The following OSBP2 variants were observed in gnomAD, a reference collection of about 807,000 sequenced individuals.
The protein encoded by OSBP2 is oxysterol binding protein 2, also known as oxysterol-binding protein 2.
OSBP2 carries 66 observed loss-of-function variants against 96.0 expected under a neutral mutation model. The ratio of observed to expected loss-of-function variants is 0.69; its 90% CI spans 0.56 to 0.84. The LOEUF is 0.84. OSBP2 is among the 40% of genes least tolerant of loss of function. OSBP2 has a pLI of 0.00. For missense variants in OSBP2, 1,038 were observed against 1,222.7 expected, an observed-to-expected ratio of 0.85 and a Z score of 2.25; for synonymous variants, 525 against 520.9, an observed-to-expected ratio of 1.01 and a Z score of -0.11.
intron 3 of OSBP2, among the ~76,000 whole-genome samples, chr22:30,878,299 C>T (rs771689364): frequency 2.0e-5 from 3 of 152,248 alleles, no homozygotes; most frequent in Non-Finnish European, 4.4e-5. Context: ...GCGCTATCCG[C>T]GAGGCAGGGG....
chr22:30,790,870 T>C (rs989650268), intron 2 of OSBP2, among the ~76,000 whole-genome samples: 1 of 152,190 alleles, frequency 6.6e-6, no homozygotes, highest in Non-Finnish European at 1.5e-5. Context: ...GAAGGGGAAA[T>C]AGGATTCATT....
chr22:30,886,477 TCTTA>T (rs886124662), intron 3 of OSBP2, among the ~76,000 whole-genome samples: 3 of 150,728 alleles, frequency 2.0e-5, no homozygotes, highest in Non-Finnish European at 3.0e-5. Context: ...GTGCTAAGAC[TCTTA>T]CTTCATCTCT....
chr22:30,830,082 G>A (rs2038490201), intron 2 of OSBP2, among the ~76,000 whole-genome samples: 2 of 152,196 alleles, frequency 1.3e-5, no homozygotes, highest in African/African-American at 4.8e-5. Context: ...TCATCAGGGA[G>A]TGTCCTGTAG....
intron 12 of OSBP2, among the ~76,000 whole-genome samples, chr22:30,899,995 A>G (rs1392024055): frequency 1.3e-5 from 2 of 152,244 alleles, no homozygotes; most frequent in African/African-American, 4.8e-5. Flanking sequence ...GCAGTGGCTC[A>G]TGCCTGTAAT....
intron 2 of OSBP2, among the ~76,000 whole-genome samples, chr22:30,811,173 C>G (rs534952306): frequency 6.7e-6 from 1 of 148,544 alleles, no homozygotes; most frequent in Non-Finnish European, 1.5e-5. Context: ...AACCCCCCCC[C>G]CACACATACA....
chr22:30,753,064 T>G (rs1025808518), intron 2 of OSBP2, among the ~76,000 whole-genome samples: 10 of 152,216 alleles, frequency 6.6e-5, no homozygotes, highest in Non-Finnish European at 8.8e-5. Flanking sequence ...GGAGCCCATT[T>G]ACATGGTTGT....
chr22:30,702,215 C>T (rs1206941407), intron 1 of OSBP2, among the ~76,000 whole-genome samples: 1 of 152,198 alleles, frequency 6.6e-6, no homozygotes, highest in Non-Finnish European at 1.5e-5. Context: ...TTCTGCTTAC[C>T]TGGTGTCCCA....
intron 2 of OSBP2, among the ~76,000 whole-genome samples, chr22:30,817,208 A>G (rs1033305090): frequency 3.3e-5 from 5 of 152,238 alleles, no homozygotes; most frequent in African/African-American, 4.8e-5. Context: ...AAGAATGGCT[A>G]TTCTTAGAAC....
chr22:30,866,597 C>T (rs1044649251), intron 2 of OSBP2, among the ~76,000 whole-genome samples: 1 of 152,162 alleles, frequency 6.6e-6, no homozygotes, highest in Non-Finnish European at 1.5e-5. Flanking sequence ...ATTAGCCAGG[C>T]ATGGTGGCGC....
chr22:30,796,198 G>A (rs1295261990), intron 2 of OSBP2, among the ~76,000 whole-genome samples: 3 of 152,108 alleles, frequency 2.0e-5, no homozygotes, highest in Non-Finnish European at 4.4e-5. Context: ...CAAGGCCCTG[G>A]CTTTATGTGG....
Position 30,797,564 on chromosome 22 carries a change from G to T in OSBP2, c.853+56195G>T, listed in dbSNP as rs144606832. 7.5e-3 allele frequency among the ~76,000 whole-genome samples: 1,123 copies of T among 149,678 alleles called. 9 individuals carry two copies. The highest frequency in any genetic ancestry group is 0.01 in the Non-Finnish European group (692 of 67,686). On this transcript the variant is annotated intron_variant, in intron 2 of 13. Coordinates refer to ENST00000332585, the MANE Select transcript of OSBP2 (RefSeq NM_030758.4). ...CCCAAAGTGCTGGGATTATAATCGT[G>T]AGCCACCACACCTGGCCCTATTTAT...
chr22:30,709,806 T>C (rs1407536560), intron 1 of OSBP2, among the ~76,000 whole-genome samples: 1 of 151,946 alleles, frequency 6.6e-6, no homozygotes, highest in East Asian at 1.9e-4. Flanking sequence ...AAAGTGCTGG[T>C]ATTACAGATG....
Position 30,861,654 on chromosome 22 carries a change from G to T in OSBP2, c.854-8775G>T, listed in dbSNP as rs556842170. The stretch of plus-strand genomic sequence containing the variant: ...CTTCAGCCGCCTGCCTCTTGTAGAG[G>T]AGTGGCGTCACTTGTCTGGTTACCC... On this transcript the variant is annotated intron_variant, in intron 2 of 13. Coordinates refer to ENST00000332585, the MANE Select transcript of OSBP2 (RefSeq NM_030758.4). 1.8e-3 allele frequency among the ~76,000 whole-genome samples: 278 copies of T among 152,286 alleles called. 1 individual carries two copies. Among genetic ancestry groups the T allele is most frequent in the Non-Finnish European group, 2.1e-3 (141 of 68,018 alleles).
At position 30,872,784 on chromosome 22, in the gene OSBP2, C is replaced by G. The variant is rs190421650; in HGVS notation, c.1107+2102C>G. Among the ~76,000 whole-genome samples, 25 of 152,352 alleles carry G rather than the reference C, an allele frequency of 1.6e-4. No individual in the cohort carries two copies. The East Asian group carries it at 4.8e-3, about 29-fold the overall frequency. ...CAGAGGCTTGTGTTTCCCCTGGGGA[C>G]CCTTCCTGACAGCCACTCCTCGCCT... is the stretch of plus-strand genomic sequence containing the variant. On this transcript the variant is annotated intron_variant, in intron 3 of 13. Transcript: ENST00000332585.
chr22:30,895,354 C>G (rs1191380760), intron 12 of OSBP2, among the ~76,000 whole-genome samples: 1 of 152,028 alleles, frequency 6.6e-6, no homozygotes, highest in East Asian at 1.9e-4. Flanking sequence ...CTGAAAGGGC[C>G]TATAGCGTGC....
At chr22:30,781,277 C>A (rs368641357) in intron 2 of OSBP2, among the ~76,000 whole-genome samples, 1 of 151,928 alleles carries the variant, frequency 6.6e-6, no homozygotes, top group Non-Finnish European at 1.5e-5. Context: ...CCACCACACC[C>A]GGCCGATGTT....
intron 1 of OSBP2, among the ~76,000 whole-genome samples, chr22:30,698,177 G>C (rs749772630): frequency 6.6e-6 from 1 of 152,178 alleles, no homozygotes; most frequent in South Asian, 2.1e-4. Context: ...CCGTGCATGT[G>C]TGTTATCTCC....
rs1210298301 is a variant in OSBP2, at chr22:30,694,891, G to GC, written c.-18dup. The GC allele has an allele frequency of 3.3e-6, 4 of 1,215,900 alleles. No individual in the cohort carries two copies. Among genetic ancestry groups the GC allele is most frequent in the Admixed American group, 8.5e-5 (2 of 23,466 alleles). 75.3% of individuals were successfully genotyped at this position (1,215,900 alleles called of 1,614,324 possible). A position where few individuals can be genotyped will look rare whatever the true frequency, so the allele number is the denominator to read the frequency against. On this transcript the variant is annotated 5_prime_UTR_variant, in exon 1 of 14. Transcript: ENST00000332585. Reference sequence around the variant, plus strand: ...CCGCCCCCACTGGCCGCTCGGCCGCGCGCGGGTCGGCCGGCTCTATGGGGA... The same window carrying GC: ...CCGCCCCCACTGGCCGCTCGGCCGCGCCGCGGGTCGGCCGGCTCTATGGGGA...
chr22:30,851,920 C>T (rs2147061512), intron 2 of OSBP2, among the ~76,000 whole-genome samples: 1 of 152,246 alleles, frequency 6.6e-6, no homozygotes, highest in African/African-American at 2.4e-5. Flanking sequence ...AATAATTCTA[C>T]AGCCAGAAAC....
Sources: gnomAD v4.1 joint callset for allele counts (sites outside exome capture counted in the v4.1 genomes callset) on GRCh38, gnomAD v4.1.1 for gene constraint, MANE v1.5 for transcripts, NCBI Gene and HGNC (gene_info 2026-07-23, HGNC 2026-07-21) for gene names.